Variants in POU2F1 observed in about 807,000 individuals in gnomAD.
POU2F1 encodes the protein POU domain, class 2, transcription factor 1.
Under a neutral mutation model 84.9 loss-of-function variants are expected in POU2F1, and 16 were observed. That is an observed-to-expected ratio of 0.19 (90% CI 0.13 to 0.29). The LOEUF (loss-of-function observed/expected upper bound fraction) is 0.29, where lower values mean the gene tolerates loss of function less well. Among genes scored for constraint, POU2F1 ranks in the 10% least tolerant of loss-of-function variants. The probability of loss-of-function intolerance (pLI) is 1.00; values close to 1 mark genes in which losing one functional copy is unlikely to be tolerated. For missense variants in POU2F1, 738 were observed against 942.6 expected (o/e 0.78, Z 2.84); for synonymous variants, 368 against 368.3 (o/e 1.00, Z 0.01).
intron 1 of POU2F1, among the ~76,000 whole-genome samples, chr1:167,238,889 T>C (rs1649694144): frequency 6.6e-6 from 1 of 152,200 alleles, no homozygotes; most frequent in Admixed American, 6.5e-5. Context: ...GGGAGACTAG[T>C]TGGCTACTCA....
At chr1:167,312,984 A>G (rs1467940564) in intron 1 of POU2F1, among the ~76,000 whole-genome samples, 1 of 152,234 alleles carries the variant, frequency 6.6e-6, no homozygotes, top group East Asian at 1.9e-4. Context: ...CATATAGCCT[A>G]GGTGTATAGT....
intron 13 of POU2F1, among the ~76,000 whole-genome samples, chr1:167,411,068 T>G (rs1222383731): frequency 1.3e-5 from 2 of 150,374 alleles, no homozygotes; most frequent in Non-Finnish European, 3.0e-5. Context: ...TGAGATGGAG[T>G]CTTGCTCTGT....
chr1:167,335,328 G>A (rs891933796), intron 2 of POU2F1, among the ~76,000 whole-genome samples: 6 of 152,142 alleles, frequency 3.9e-5, no homozygotes, highest in Non-Finnish European at 7.4e-5. Flanking sequence ...ACAGAAAAGT[G>A]CCATAGTGGT....
intron 1 of POU2F1, among the ~76,000 whole-genome samples, chr1:167,282,268 C>T (rs935046042): frequency 1.4e-5 from 2 of 147,038 alleles, no homozygotes; most frequent in African/African-American, 2.4e-5. Flanking sequence ...CTCAGCCTCC[C>T]GAATAGCTGG....
intron 1 of POU2F1, chr1:167,319,114 A>G (rs1656129657): frequency 6.5e-6 from 1 of 153,512 alleles, no homozygotes; most frequent in African/African-American, 2.4e-5. Context: ...CCTCAGTGTC[A>G]TTCTTGACAT....
intron 1 of POU2F1, among the ~76,000 whole-genome samples, chr1:167,228,307 G>A (rs1415891970): frequency 6.6e-6 from 1 of 152,190 alleles, no homozygotes; most frequent in Non-Finnish European, 1.5e-5. Context: ...TTTGAAATAG[G>A]AAGGGAGAGA....
At chr1:167,401,603 G>A (rs1397199095) in intron 13 of POU2F1, 47 bp downstream of exon 13, 18 of 1,337,244 alleles carry the variant, frequency 1.3e-5, no homozygotes, top group African/African-American at 3.0e-5. Context: ...TGGGAGGCCC[G>A]TTTTGGGTTA....
At chr1:167,282,399 C>T (rs1653219082) in intron 1 of POU2F1, among the ~76,000 whole-genome samples, 2 of 152,214 alleles carry the variant, frequency 1.3e-5, no homozygotes. Flanking sequence ...CCGCCTCGGC[C>T]TCCCGAAGTG....
rs557042015 is a variant in POU2F1, at chr1:167,317,803, TG to T, written c.62-14664del. Among the ~76,000 whole-genome samples the T allele has an allele frequency of 4.9e-3, 742 of 152,350 alleles. 2 individuals are homozygous for T. Among genetic ancestry groups the T allele is most frequent in the South Asian group, 0.015 (72 of 4,834 alleles). On this transcript the variant is annotated intron_variant, in intron 1 of 15. Coordinates refer to ENST00000367866, the MANE Select transcript of POU2F1 (RefSeq NM_002697.4). ...GCAGAGATTTTGTTGATGGCCATTT[TG>T]GGAGCCTGTCTATGGCCAGATTTGG...
intron 9 of POU2F1, 110 bp from the exon 10 acceptor site, chr1:167,396,176 C>A: frequency 1.6e-6 from 2 of 1,257,532 alleles, no homozygotes; most frequent in South Asian, 2.8e-5. Flanking sequence ...TAATTACTGA[C>A]TCCTTGTCTA....
chr1:167,375,223 G>A (rs976031856), intron 6 of POU2F1, among the ~76,000 whole-genome samples: 9 of 152,234 alleles, frequency 5.9e-5, no homozygotes, highest in Non-Finnish European at 1.0e-4. Flanking sequence ...TTAACTTGTA[G>A]CAAGAGTTTG....
chr1:167,387,257 C>T (rs192774925), intron 8 of POU2F1: 3 of 455,560 alleles, frequency 6.6e-6, no homozygotes, highest in Non-Finnish European at 1.3e-5. Context: ...GGTACCCAAG[C>T]GATTTTTAGT....
chr1:167,246,599 G>A (rs1023453526), intron 1 of POU2F1, among the ~76,000 whole-genome samples: 1 of 152,158 alleles, frequency 6.6e-6, no homozygotes, highest in African/African-American at 2.4e-5. Flanking sequence ...CAGATTGTAA[G>A]AAATGAAAAT....
At position 167,334,502 on chromosome 1, in the gene POU2F1, C is replaced by T. The variant is rs570443578; in HGVS notation, c.127+1967C>T. On this transcript the variant is annotated intron_variant, in intron 2 of 15. Coordinates refer to ENST00000367866, the MANE Select transcript of POU2F1 (RefSeq NM_002697.4). ...AGGAAATAAAGTCAGGTTTAGGATT[C>T]GCAGCCCACATGTAAGTTTCCCCAT... Among the ~76,000 whole-genome samples, 143 of 152,148 alleles carry T rather than the reference C, an allele frequency of 9.4e-4. 1 individual carries two copies. Among genetic ancestry groups the T allele is most frequent in the African/African-American group, 2.8e-3 (118 of 41,494 alleles).
chr1:167,278,827 C>A (rs908242616), intron 1 of POU2F1, among the ~76,000 whole-genome samples: 1 of 151,920 alleles, frequency 6.6e-6, no homozygotes, highest in African/African-American at 2.4e-5. Flanking sequence ...TAATAAAATT[C>A]TATTTTAATA....
At chr1:167,411,639 C>G (rs1557968902) in intron 13 of POU2F1, among the ~76,000 whole-genome samples, 1 of 152,016 alleles carries the variant, frequency 6.6e-6, no homozygotes, top group Non-Finnish European at 1.5e-5. Flanking sequence ...CTTTTGCTTT[C>G]TTTTTCTTCC....
chr1:167,275,128 TC>T (rs2102480741), intron 1 of POU2F1, among the ~76,000 whole-genome samples: 1 of 150,206 alleles, frequency 6.7e-6, no homozygotes, highest in South Asian at 2.1e-4. Flanking sequence ...GCTCAAGCAG[TC>T]CTTCCACCTC....
chr1:167,407,582 A>G (rs765679034), intron 13 of POU2F1, among the ~76,000 whole-genome samples: 10 of 152,242 alleles, frequency 6.6e-5, no homozygotes, highest in Non-Finnish European at 1.2e-4. Context: ...TTAAGAGTCC[A>G]GAAGCAAAAC....
chr1:167,244,423 T>G (rs1271736508), intron 1 of POU2F1, among the ~76,000 whole-genome samples: 1 of 152,246 alleles, frequency 6.6e-6, no homozygotes, highest in Non-Finnish European at 1.5e-5. Flanking sequence ...GAGGCTGTTC[T>G]CCATTCCTTG....
Sources: gnomAD v4.1 joint callset for allele counts (sites outside exome capture counted in the v4.1 genomes callset) on GRCh38, gnomAD v4.1.1 for gene constraint, MANE v1.5 for transcripts, NCBI Gene and HGNC (gene_info 2026-07-23, HGNC 2026-07-21) for gene names.